The following ADGRF1 variants were observed in gnomAD, a reference collection of about 807,000 sequenced individuals.
The protein encoded by ADGRF1 is G protein-coupled receptor 110.
In ADGRF1, 85 loss-of-function variants were observed where a neutral mutation model predicts 87.2. The ratio of observed to expected loss-of-function variants is 0.97; its 90% CI spans 0.82 to 1.17. The LOEUF (loss-of-function observed/expected upper bound fraction) is 1.17, where lower values mean the gene tolerates loss of function less well. Among genes scored for constraint, ADGRF1 ranks in the 50% most tolerant of loss-of-function variants. ADGRF1 has a pLI of 0.00. For missense variants in ADGRF1, 1,169 were observed against 1,077.2 expected (o/e 1.09, Z -1.19); for synonymous variants, 430 against 408.8 (o/e 1.05, Z -0.63).
Position 47,009,416 on chromosome 6 carries a change from G to A in ADGRF1, c.2019C>T (p.Phe673=), listed in dbSNP as rs1268170149. 1.2e-6 allele frequency: 2 copies of A among 1,613,994 alleles called. No individual in the cohort carries two copies. Among genetic ancestry groups the A allele is most frequent in the Non-Finnish European group, 1.7e-6 (2 of 1,179,966 alleles). The change falls in exon 11 of 15, where the codon TTC becomes TTT. Residue 673 remains phenylalanine (F), a synonymous_variant. Coordinates refer to ENST00000371253, the MANE Select transcript of ADGRF1 (RefSeq NM_153840.4). ...FTHFFYLSLF[F]WMLMLGILLA... is the part of the protein sequence containing the mutation. The stretch of plus-strand genomic sequence containing the variant: ...GCAGGATGCCAAGCATGAGCATCCA[G>A]AAGAACAAAGAGAGGTAGAAGAAGT...
intron 11 of ADGRF1, among the ~76,000 whole-genome samples, chr6:47,007,882 A>T (rs1779577464): frequency 6.6e-6 from 1 of 152,162 alleles, no homozygotes; most frequent in African/African-American, 2.4e-5. Context: ...TAAGCTTGTC[A>T]CTGCTAGGGG....
chr6:47,012,764 A>G (rs1582152218), intron 9 of ADGRF1: 1 of 985,374 alleles, frequency 1.0e-6, no homozygotes, highest in Non-Finnish European at 1.2e-6. Flanking sequence ...TTTTGTCACA[A>G]GATTTGTTTT....
chr6:47,020,057 CA>C, intron 7 of ADGRF1: 3 of 998,414 alleles, frequency 3.0e-6, no homozygotes, highest in Non-Finnish European at 1.2e-6. Context: ...CACCCTTCGA[CA>C]ACCCGCAACC....
chr6:47,037,156 TA>T (rs1554137853), intron 1 of ADGRF1, among the ~76,000 whole-genome samples: 1 of 152,232 alleles, frequency 6.6e-6, no homozygotes, highest in Non-Finnish European at 1.5e-5. Context: ...AGTATCTTTT[TA>T]ATGTTCCCAA....
At chr6:47,021,847 T>G (rs1780063144) in intron 6 of ADGRF1, 111 bp downstream of exon 6, 2 of 636,724 alleles carry the variant, frequency 3.1e-6, no homozygotes, top group Admixed American at 6.2e-5. Context: ...TGTTATTTGC[T>G]CACTGAAAAC....
chr6:47,009,509 A>G lies in ADGRF1; in HGVS notation c.1926T>C (p.Ile642=). The G allele has an allele frequency of 6.2e-7, 1 of 1,614,086 alleles. No homozygotes were observed. Among genetic ancestry groups the G allele is most frequent in the South Asian group, 1.1e-5 (1 of 91,068 alleles). Residue 642 remains isoleucine (I), a synonymous_variant, in exon 11 of 15, where the codon ATT becomes ATC. Transcript: ENST00000371253. The stretch of plus-strand genomic sequence containing the variant: ...CCGTGGTGTCCACTGTGGCACCAAC[A>G]ATAAACCAGACATCAGCAATCAAGA... ...LSLLIADVWF[I]VGATVDTTVN...
At position 47,016,098 on chromosome 6, in the gene ADGRF1, A is replaced by G. The variant is rs555065094; in HGVS notation, c.763+519T>C. Among the ~76,000 whole-genome samples, 5 of 152,304 alleles carry G rather than the reference A, an allele frequency of 3.3e-5. No homozygotes were observed. The South Asian group carries it at 1.0e-3, about 32-fold the overall frequency. On this transcript the variant is annotated intron_variant, in intron 8 of 14. Coordinates refer to ENST00000371253, the MANE Select transcript of ADGRF1 (RefSeq NM_153840.4). ...CATTTTAAGTGTCTAGACACTTTGG[A>G]TTCTCAGTAAATATTTATAGAATAA...
Position 47,027,710 on chromosome 6 carries a change from G to GT in ADGRF1, c.120dup (p.His41ThrfsTer17), listed in dbSNP as rs777917634. Reference sequence around the variant, plus strand: ...CTGTCTAACAGAGCCTCACCTAGATGTTTTTTCTTATTCACAATGAGTTCT... The same window carrying GT: ...CTGTCTAACAGAGCCTCACCTAGATGTTTTTTTCTTATTCACAATGAGTTCT... On this transcript the variant is annotated frameshift_variant, in exon 3 of 15. Transcript: ENST00000371253. LOFTEE classifies it high-confidence loss of function. 8.1e-6 allele frequency: 13 copies of GT among 1,604,396 alleles called. No individual in the cohort carries two copies. In the South Asian group the frequency reaches 1.2e-4, roughly 15 times the overall value.
In ADGRF1 at chr6:47,024,208, C is replaced by T; in HGVS notation, c.287G>A (p.Ser96Asn). ...IRAKATTDCN[S>N]LNGVLQCTCE... ...GGTACACTGCAGGACTCCATTCAGG[C>T]TGTTGCAGTCTGCACAAGAAATAGA... Residue 96 changes from serine to asparagine, a missense_variant, in exon 5 of 15, where the codon AGC (serine) becomes AAC (asparagine). Coordinates refer to ENST00000371253, the MANE Select transcript of ADGRF1 (RefSeq NM_153840.4). The T allele has an allele frequency of 6.2e-7, 1 of 1,613,064 alleles. No individual in the cohort carries two copies. The highest frequency in any genetic ancestry group is 8.5e-7 in the Non-Finnish European group (1 of 1,179,290).
At chr6:47,018,563 T>G (rs1202381720) in intron 7 of ADGRF1, 18 of 1,289,254 alleles carry the variant, frequency 1.4e-5, no homozygotes, top group Non-Finnish European at 1.8e-5. Context: ...TAAACCAGGT[T>G]CCACAGGTGT....
At chr6:47,030,608 G>GTC (rs1780385351) in intron 1 of ADGRF1, among the ~76,000 whole-genome samples, 2 of 151,750 alleles carry the variant, frequency 1.3e-5, no homozygotes, top group African/African-American at 2.4e-5. Context: ...GTGTGTGTGT[G>GTC]TGTGTGTGTG....
intron 13 of ADGRF1, among the ~76,000 whole-genome samples, chr6:47,004,408 A>G (rs1222682737): frequency 6.6e-6 from 1 of 152,218 alleles, no homozygotes; most frequent in Non-Finnish European, 1.5e-5. Context: ...TGGAAATGAA[A>G]TTGGGGAGAA....
intron 8 of ADGRF1, among the ~76,000 whole-genome samples, chr6:47,015,974 G>T (rs185271256): frequency 3.0e-3 from 450 of 152,162 alleles, no homozygotes; most frequent in Middle Eastern, 6.8e-3. Flanking sequence ...TTGACCTAAA[G>T]TCATCTGCCC....
chr6:47,014,386 G>C (rs1374298928), intron 9 of ADGRF1: 1 of 1,071,364 alleles, frequency 9.3e-7, no homozygotes, highest in Non-Finnish European at 1.1e-6. Flanking sequence ...CAGCTTAGTT[G>C]CTGCTCTACC....
At chr6:47,021,450 T>C (rs1001426591) in intron 6 of ADGRF1, among the ~76,000 whole-genome samples, 1 of 152,086 alleles carries the variant, frequency 6.6e-6, no homozygotes, top group African/African-American at 2.4e-5. Context: ...AAACTCCACC[T>C]CCCGGGTTCA....
intron 1 of ADGRF1, among the ~76,000 whole-genome samples, chr6:47,035,605 G>T (rs1051594012): frequency 8.5e-5 from 13 of 152,058 alleles, no homozygotes; most frequent in African/African-American, 3.1e-4. Context: ...TAAATACAAC[G>T]AATTTTTTAA....
At position 46,998,272 on chromosome 6, in the gene ADGRF1, A is replaced by G. The variant is rs537538072; in HGVS notation, c.*1950T>C. Reference sequence around the variant, plus strand: ...TTCAAGAACTCCCATAGAAATTCTCATAGCCCTGACTTCTCATCTTTAGCT... The same window carrying G: ...TTCAAGAACTCCCATAGAAATTCTCGTAGCCCTGACTTCTCATCTTTAGCT... On this transcript the variant is annotated 3_prime_UTR_variant, in exon 15 of 15. Transcript: ENST00000371253. 7.7e-4 allele frequency: 118 copies of G among 152,316 alleles called. No individual in the cohort carries two copies. The highest frequency in any genetic ancestry group is 2.6e-3 in the African/African-American group (108 of 41,570). 9.4% of individuals were successfully genotyped at this position (152,316 alleles called of 1,614,324 possible).
At position 47,002,818 on chromosome 6, in the gene ADGRF1, A is replaced by G. The variant is rs539342390; in HGVS notation, c.2593-1251T>C. Reference sequence around the variant, plus strand: ...CAAGACAGGGGCCTGAGCATGGAGAAGATTTGGGGTCCATACAGTGTGCTG... The same window carrying G: ...CAAGACAGGGGCCTGAGCATGGAGAGGATTTGGGGTCCATACAGTGTGCTG... On this transcript the variant is annotated intron_variant, in intron 13 of 14. Coordinates refer to ENST00000371253, the MANE Select transcript of ADGRF1 (RefSeq NM_153840.4). Among the ~76,000 whole-genome samples the G allele has an allele frequency of 2.6e-5, 4 of 152,198 alleles. No individual in the cohort carries two copies. In the South Asian group the frequency reaches 8.3e-4, roughly 32 times the overall value.
At chr6:47,024,280 G>T in intron 4 of ADGRF1, 63 bp from the exon 5 acceptor site, 1 of 1,168,102 alleles carries the variant, frequency 8.6e-7, no homozygotes, top group South Asian at 1.5e-5. Context: ...CTGCTGAGCA[G>T]TGATTTTATT....
Sources: allele counts gnomAD v4.1 joint callset (sites outside exome capture counted in the v4.1 genomes callset), GRCh38; gene constraint gnomAD v4.1.1; transcripts MANE v1.5; gene names NCBI Gene and HGNC (gene_info 2026-07-23, HGNC 2026-07-21).